Variants in TENM3 observed in about 807,000 individuals in gnomAD.
TENM3 encodes teneurin transmembrane protein 3.
In TENM3, 63 loss-of-function variants were observed where a neutral mutation model predicts 255.1. The observed-to-expected ratio is 0.25, with a 90% CI of 0.20 to 0.30. TENM3 has a LOEUF of 0.30. Ranked by LOEUF, TENM3 falls within the 10% of genes least tolerant of loss-of-function variation. The pLI, the probability that TENM3 is intolerant of heterozygous loss-of-function variation, is 1.00. For synonymous variants in TENM3, 1,306 were observed against 1,322.3 expected (o/e 0.99, Z 0.27); for missense variants, 2,929 against 3,461.1 (o/e 0.85, Z 3.86).
At chr4:182,089,498 G>A in the TENM3 span, among the ~76,000 whole-genome samples, 496 of 152,194 alleles carry the variant, frequency 3.3e-3, no homozygotes, top group African/African-American at 0.011. Context: ...CAATTAAGGC[G>A]CTAACACTGA....
intron 2 of TENM3, among the ~76,000 whole-genome samples, chr4:182,336,739 TATTTTAGGGA>T (rs1221858100): frequency 6.6e-6 from 1 of 152,216 alleles, no homozygotes; most frequent in Non-Finnish European, 1.5e-5. Context: ...GCTTTTGATT[TATTTTAGGGA>T]TGAAATGTAA....
the TENM3 span, among the ~76,000 whole-genome samples, chr4:182,136,061 A>C: frequency 6.6e-6 from 1 of 152,180 alleles, no homozygotes; most frequent in African/African-American, 2.4e-5. Flanking sequence ...CATCAGTTGG[A>C]GCTTTACTAC....
At chr4:181,971,078 G>A in the TENM3 span, among the ~76,000 whole-genome samples, 2 of 152,084 alleles carry the variant, frequency 1.3e-5, no homozygotes, top group African/African-American at 2.4e-5. Flanking sequence ...CTCCCAAAGC[G>A]CTGGGATTAT....
chr4:181,488,432 G>T, the TENM3 span, among the ~76,000 whole-genome samples: 2 of 152,136 alleles, frequency 1.3e-5, no homozygotes, highest in East Asian at 3.9e-4. Context: ...CAAACCACAG[G>T]GTGAACATCA....
chr4:182,673,017 G>C lies in TENM3; in HGVS notation c.1124G>C (p.Gly375Ala). The change falls in exon 7 of 28, where the codon GGA becomes GCA. Residue 375 changes from glycine (G) to alanine (A), a missense_variant. Coordinates refer to ENST00000511685, the MANE Select transcript of TENM3 (RefSeq NM_001080477.4). ...LPSGDNGKLG[G>A]FTQENNTIDS... ...CTCTTACATTCAGGAAAATTAGGTG[G>C]ATTTACGCAAGAAAATAACACCATA... 6.3e-7 allele frequency: 1 copy of C among 1,582,640 alleles called. No individual in the cohort carries two copies. The highest frequency in any genetic ancestry group is 8.6e-7 in the Non-Finnish European group (1 of 1,161,438).
At chr4:182,103,024 T>C in the TENM3 span, among the ~76,000 whole-genome samples, 1 of 152,272 alleles carries the variant, frequency 6.6e-6, no homozygotes, top group Non-Finnish European at 1.5e-5. Context: ...GTTAAGACTC[T>C]GTTTATTCTT....
At chr4:182,773,218 C>T (rs1561232037) in intron 22 of TENM3, among the ~76,000 whole-genome samples, 1 of 152,286 alleles carries the variant, frequency 6.6e-6, no homozygotes, top group East Asian at 1.9e-4. Flanking sequence ...GGATTTTGGT[C>T]ACACTTCAAA....
the TENM3 span, among the ~76,000 whole-genome samples, chr4:181,630,796 G>A: frequency 6.6e-6 from 1 of 152,216 alleles, no homozygotes; most frequent in Admixed American, 6.5e-5. Context: ...ATGTGGTGCT[G>A]AGAAGAATGT....
Position 182,393,288 on chromosome 4 carries a change from A to G in TENM3, c.511+46359A>G, listed in dbSNP as rs78614238. ...CCTGTGTAGCTTAAATAAAAAACTG[A>G]TGGATTAATAGTAGTTAAAAAACAA... On this transcript the variant is annotated intron_variant, in intron 3 of 27. Coordinates refer to ENST00000511685, the MANE Select transcript of TENM3 (RefSeq NM_001080477.4). 3.8e-3 allele frequency among the ~76,000 whole-genome samples: 578 copies of G among 152,278 alleles called. 21 individuals are homozygous for G. The East Asian group carries it at 0.074, about 19-fold the overall frequency.
At position 182,653,850 on chromosome 4, in the gene TENM3, T is replaced by C; in HGVS notation, c.1068T>C (p.Asp356=). ...DTFENGKVNS[D]TMPTNTVSLP... is the part of the protein sequence containing the mutation. ...TTGAGAATGGAAAAGTGAATTCTGA[T>C]ACCATGCCAACAAACACTGTGTCAT... is the stretch of plus-strand genomic sequence containing the variant. The change falls in exon 6 of 28, where the codon GAT becomes GAC. Residue 356 remains aspartate, a synonymous_variant. Transcript: ENST00000511685. The C allele has an allele frequency of 6.2e-7, 1 of 1,613,344 alleles. No homozygotes were observed. Among genetic ancestry groups the C allele is most frequent in the Non-Finnish European group, 8.5e-7 (1 of 1,179,534 alleles).
Position 182,262,871 on chromosome 4 carries a change from G to T in TENM3, c.-76+19395G>T, listed in dbSNP as rs570284163. Among the ~76,000 whole-genome samples, 31 of 151,818 alleles carry T rather than the reference G, an allele frequency of 2.0e-4. No individual in the cohort carries two copies. In the South Asian group the frequency reaches 3.7e-3, roughly 18 times the overall value. On this transcript the variant is annotated intron_variant, in intron 1 of 27. Coordinates refer to ENST00000511685, the MANE Select transcript of TENM3 (RefSeq NM_001080477.4). ...TGGGACTACAGGCACCCACCACCAC[G>T]CCCGGCTAATTGTTTGTATTTTTAG...
chr4:182,598,168 G>A (rs985444582), intron 3 of TENM3, among the ~76,000 whole-genome samples: 27 of 152,196 alleles, frequency 1.8e-4, no homozygotes, highest in African/African-American at 2.9e-4. Flanking sequence ...GCAACAGAGC[G>A]AGACCCTGTC....
chr4:182,414,156 C>G (rs893620316), intron 3 of TENM3, among the ~76,000 whole-genome samples: 2 of 152,114 alleles, frequency 1.3e-5, no homozygotes, highest in Non-Finnish European at 2.9e-5. Flanking sequence ...TTCCTTTAGA[C>G]AGTGGCAACT....
chr4:182,482,391 A>T (rs1734286995), intron 3 of TENM3, among the ~76,000 whole-genome samples: 1 of 152,108 alleles, frequency 6.6e-6, no homozygotes, highest in African/African-American at 2.4e-5. Context: ...CATTGATTTT[A>T]TTTGCCTTTT....
the TENM3 span, among the ~76,000 whole-genome samples, chr4:181,886,138 C>A: frequency 6.6e-6 from 1 of 151,598 alleles, no homozygotes; most frequent in South Asian, 2.1e-4. Context: ...CTGCAACCTC[C>A]GCCTTCCGGG....
intron 1 of TENM3, among the ~76,000 whole-genome samples, chr4:182,230,301 A>G (rs1756476545): frequency 6.6e-6 from 1 of 152,046 alleles, no homozygotes; most frequent in Admixed American, 6.6e-5. Context: ...AGGCTCGCAG[A>G]GCATTCTAGC....
At chr4:181,883,124 A>ATTTTTTTTTTTTTTTTTTTTTTTTT in the TENM3 span, among the ~76,000 whole-genome samples, 1 of 48,504 alleles carries the variant, frequency 2.1e-5, no homozygotes, top group Non-Finnish European at 4.9e-5. Flanking sequence ...TTTGCAATTA[A>ATTTTTTTTTTTTTTTTTTTTTTTTT]TCTTTTTTTT....
intron 1 of TENM3, among the ~76,000 whole-genome samples, chr4:182,321,950 T>A (rs774939842): frequency 1.3e-5 from 2 of 151,924 alleles, no homozygotes; most frequent in Non-Finnish European, 2.9e-5. Context: ...GTCTAAAAAA[T>A]AATAATAATA....
chr4:182,384,882 A>G (rs1767805453), intron 3 of TENM3, among the ~76,000 whole-genome samples: 1 of 152,102 alleles, frequency 6.6e-6, no homozygotes, highest in African/African-American at 2.4e-5. Flanking sequence ...ACGAGTATTA[A>G]GTCTGGAAGC....
Sources: allele counts gnomAD v4.1 joint callset (sites outside exome capture counted in the v4.1 genomes callset), GRCh38; gene constraint gnomAD v4.1.1; transcripts MANE v1.5; gene names NCBI Gene and HGNC (gene_info 2026-07-23, HGNC 2026-07-21).